The following REV3L variants were observed in gnomAD, a reference collection of about 807,000 sequenced individuals.
REV3L encodes DNA polymerase zeta catalytic subunit.
Under a neutral mutation model 299.4 loss-of-function variants are expected in REV3L, and 69 were observed. The observed-to-expected ratio is 0.23, with a 90% CI of 0.19 to 0.28. REV3L has a LOEUF of 0.28. Among genes scored for constraint, REV3L ranks in the 10% least tolerant of loss-of-function variants. The probability of loss-of-function intolerance (pLI) is 1.00; values close to 1 mark genes in which losing one functional copy is unlikely to be tolerated. For missense variants in REV3L, 3,128 were observed against 3,693.8 expected (o/e 0.85, Z 3.97); for synonymous variants, 1,238 against 1,271.4 (o/e 0.97, Z 0.56).
intron 18 of REV3L, chr6:111,354,195 G>A (rs1777859617): frequency 6.6e-6 from 1 of 152,130 alleles, no homozygotes; most frequent in Non-Finnish European, 1.5e-5. Flanking sequence ...CAGGCCTTCT[G>A]TTTTAAATGT....
chr6:111,404,487 TATTTAAGAAGTGC>T (rs1343283303), intron 4 of REV3L, among the ~76,000 whole-genome samples: 6 of 152,176 alleles, frequency 3.9e-5, no homozygotes, highest in Admixed American at 6.5e-5. Flanking sequence ...CAAGTCTTAT[TATTTAAGAAGTGC>T]ATTTCATAAG....
At chr6:111,340,759 G>C (rs1029811617) in intron 21 of REV3L, among the ~76,000 whole-genome samples, 3 of 151,948 alleles carry the variant, frequency 2.0e-5, no homozygotes, top group Non-Finnish European at 4.4e-5. Flanking sequence ...GAAGTTGTCT[G>C]ATATTTCCAA....
intron 9 of REV3L, among the ~76,000 whole-genome samples, chr6:111,382,252 T>C (rs192384186): frequency 1.3e-5 from 2 of 152,034 alleles, no homozygotes; most frequent in East Asian, 3.9e-4. Flanking sequence ...GAATAAAAAA[T>C]CAGGAGAGCA....
chr6:111,299,874 G>A lies in REV3L; in HGVS notation c.*142C>T, dbSNP rs896559329. 8.6e-6 allele frequency: 6 copies of A among 695,812 alleles called. No individual in the cohort carries two copies. The highest frequency in any genetic ancestry group is 1.4e-5 in the Non-Finnish European group (6 of 440,356). 43.1% of individuals were successfully genotyped at this position (695,812 alleles called of 1,614,324 possible). On this transcript the variant is annotated 3_prime_UTR_variant, in exon 32 of 32. Coordinates refer to ENST00000368802, the MANE Select transcript of REV3L (RefSeq NM_001372078.1). ...GAGATCAACAAGTACATTTTAATTC[G>A]GTTAGCATAGAAGTCTTCATAGTCT... is the stretch of plus-strand genomic sequence containing the variant.
At chr6:111,427,784 C>G (rs1786361833) in intron 1 of REV3L, among the ~76,000 whole-genome samples, 1 of 152,064 alleles carries the variant, frequency 6.6e-6, no homozygotes, top group South Asian at 2.1e-4. Context: ...GTGGAAATAC[C>G]TAAGGGAGAA....
At chr6:111,320,624 C>A (rs573734982) in intron 26 of REV3L, among the ~76,000 whole-genome samples, 1 of 152,180 alleles carries the variant, frequency 6.6e-6, no homozygotes, top group Non-Finnish European at 1.5e-5. Flanking sequence ...TTGTGAATTG[C>A]TCTCATACAG....
At chr6:111,411,901 T>C in intron 2 of REV3L, 1 of 839,522 alleles carries the variant, frequency 1.2e-6, no homozygotes, top group Non-Finnish European at 1.4e-6. Flanking sequence ...TTTTGTTTTC[T>C]TTACTCCACA....
At chr6:111,466,193 T>C (rs895416816) in intron 1 of REV3L, among the ~76,000 whole-genome samples, 14 of 152,186 alleles carry the variant, frequency 9.2e-5, no homozygotes, top group African/African-American at 3.4e-4. Flanking sequence ...TTTAAAGAAG[T>C]ATTGGGAAAA....
intron 30 of REV3L, chr6:111,308,338 T>C: frequency 2.3e-6 from 1 of 441,842 alleles, no homozygotes; most frequent in South Asian, 1.6e-5. Context: ...ATAAAGAATC[T>C]GAGTTTCCTG....
intron 30 of REV3L, among the ~76,000 whole-genome samples, chr6:111,308,694 T>C (rs1011980760): frequency 2.0e-5 from 3 of 152,236 alleles, no homozygotes; most frequent in African/African-American, 4.8e-5. Flanking sequence ...TTCTTAGACA[T>C]TCATTTCGAA....
At chr6:111,463,567 G>T (rs1447120523) in intron 1 of REV3L, among the ~76,000 whole-genome samples, 2 of 152,226 alleles carry the variant, frequency 1.3e-5, no homozygotes, top group East Asian at 3.9e-4. Flanking sequence ...TCTTAGAATT[G>T]ATGAAATACA....
At position 111,387,920 on chromosome 6, in the gene REV3L, A is replaced by AATT. The variant is rs746467481; in HGVS notation, c.948-10_948-8dup. ...CACAGATCCTGATAATGTTCTGCTT[A>AATT]ATTAAAACATATCCTTTATAACAGA... On this transcript the variant is annotated splice_region_variant and splice_polypyrimidine_tract_variant and intron_variant, in intron 8 of 31. Transcript: ENST00000368802. 6.2e-7 allele frequency: 1 copy of AATT among 1,613,530 alleles called. No individual in the cohort carries two copies. The highest frequency in any genetic ancestry group is 1.3e-5 in the African/African-American group (1 of 74,922).
At chr6:111,414,926 TTTTCTACCTTAA>T (rs1215875901) in intron 2 of REV3L, among the ~76,000 whole-genome samples, 2 of 152,180 alleles carry the variant, frequency 1.3e-5, no homozygotes, top group Admixed American at 6.5e-5. Context: ...TTCCTTGGTC[TTTTCTACCTTAA>T]TATCAAGCCA....
chr6:111,338,820 T>C (rs1776200672), intron 21 of REV3L, among the ~76,000 whole-genome samples: 1 of 152,144 alleles, frequency 6.6e-6, no homozygotes, highest in South Asian at 2.1e-4. Context: ...ATGCTACATA[T>C]AACTAACTCT....
At chr6:111,478,910 C>T (rs7750803) in intron 1 of REV3L, among the ~76,000 whole-genome samples, 1 of 152,186 alleles carries the variant, frequency 6.6e-6, no homozygotes, top group South Asian at 2.1e-4. Context: ...TTGTTTAATT[C>T]CTTGCTTTGT....
rs1562286780 is a variant in REV3L at position 111,422,597 on chromosome 6, CATATATATATATATACACAT to C, written c.140-6145_140-6126del. Among the ~76,000 whole-genome samples the C allele has an allele frequency of 8.4e-4, 15 of 17,918 alleles. 4 individuals carry two copies. The South Asian group carries it at 0.019, about 23-fold the overall frequency. 11.8% of individuals were successfully genotyped at this position (17,918 alleles called of 152,430 possible). A position where few individuals can be genotyped will look rare whatever the true frequency, so the allele number is the denominator to read the frequency against. ...ATATACACATATATATATATATACACATATATATATATATACACATATATATATATATACACATATATATA... is the reference window on the plus strand; with the variant it reads ...ATATACACATATATATATATATACACATATATATATATACACATATATATA... On this transcript the variant is annotated intron_variant, in intron 1 of 31. Coordinates refer to ENST00000368802, the MANE Select transcript of REV3L (RefSeq NM_001372078.1).
chr6:111,477,747 G>A (rs773461794), intron 1 of REV3L, among the ~76,000 whole-genome samples: 33 of 152,194 alleles, frequency 2.2e-4, no homozygotes, highest in Non-Finnish European at 2.4e-4. Context: ...GAAAGCTACT[G>A]AAGCATATCA....
intron 25 of REV3L, among the ~76,000 whole-genome samples, chr6:111,325,689 A>G (rs1054118485): frequency 1.3e-5 from 2 of 152,240 alleles, no homozygotes; most frequent in Non-Finnish European, 2.9e-5. Context: ...TATGCGGTAC[A>G]TATGATGTAC....
chr6:111,360,992 A>G (rs1778595754), intron 16 of REV3L, among the ~76,000 whole-genome samples: 1 of 152,200 alleles, frequency 6.6e-6, no homozygotes, highest in African/African-American at 2.4e-5. Context: ...TAATTTTAAC[A>G]ATAAGCATGC....
Sources: gnomAD v4.1 joint callset for allele counts (sites outside exome capture counted in the v4.1 genomes callset) on GRCh38, gnomAD v4.1.1 for gene constraint, MANE v1.5 for transcripts, NCBI Gene and HGNC (gene_info 2026-07-23, HGNC 2026-07-21) for gene names.